Variants in GREB1L observed in about 807,000 individuals in gnomAD.
GREB1L encodes GREB1-like protein.
In GREB1L, 17 loss-of-function variants were observed where a neutral mutation model predicts 200.8. The ratio of observed to expected loss-of-function variants is 0.08; its 90% CI spans 0.06 to 0.13. The LOEUF (loss-of-function observed/expected upper bound fraction) is 0.13. Among genes scored for constraint, GREB1L ranks in the 10% least tolerant of loss-of-function variants. The pLI, the probability that GREB1L is intolerant of heterozygous loss-of-function variation, is 1.00. For synonymous variants in GREB1L, 789 were observed against 893.0 expected (o/e 0.88, Z 2.08); for missense variants, 1,657 against 2,367.7 (o/e 0.70, Z 6.23).
chr18:21,369,629 T>C lies in GREB1L; in HGVS notation c.-10+3493T>C, dbSNP rs2039798048. On this transcript the variant is annotated intron_variant, in intron 2 of 32. Coordinates refer to ENST00000424526, the MANE Select transcript of GREB1L (RefSeq NM_001142966.3). Reference sequence around the variant, plus strand: ...TATTTCTAAAAAAATTTAATATATATTGCATATCTGTAAGTATATTGCTAA... The same window carrying C: ...TATTTCTAAAAAAATTTAATATATACTGCATATCTGTAAGTATATTGCTAA... Among the ~76,000 whole-genome samples, 5 of 152,186 alleles carry C rather than the reference T, an allele frequency of 3.3e-5. No individual in the cohort carries two copies. In the South Asian group the frequency reaches 1.0e-3, roughly 31 times the overall value.
rs973738581 is a variant in GREB1L at position 21,522,833 on chromosome 18, G to A, written c.*12G>A. On this transcript the variant is annotated 3_prime_UTR_variant, in exon 33 of 33. Transcript: ENST00000424526. The stretch of plus-strand genomic sequence containing the variant: ...GACGTCATGTATGAGCTTTTGAAGA[G>A]ACCAAAACAGCAAAAAGATGCCTAG... 5 of 1,530,680 alleles carry A rather than the reference G, an allele frequency of 3.3e-6. No homozygotes were observed. The highest frequency in any genetic ancestry group is 4.4e-6 in the Non-Finnish European group (5 of 1,136,842). 94.8% of individuals were successfully genotyped at this position (1,530,680 alleles called of 1,614,324 possible).
At chr18:21,472,183 T>C (rs2035509301) in intron 15 of GREB1L, among the ~76,000 whole-genome samples, 1 of 152,200 alleles carries the variant, frequency 6.6e-6, no homozygotes. Context: ...TAGATGCTAA[T>C]TGCATGTAAT....
chr18:21,267,223 C>G (rs1567913973), intron 1 of GREB1L, among the ~76,000 whole-genome samples: 1 of 147,464 alleles, frequency 6.8e-6, no homozygotes, highest in Non-Finnish European at 1.5e-5. Flanking sequence ...GACGGAGCAC[C>G]CAGGCTGGAC....
chr18:21,490,130 C>T lies in GREB1L; in HGVS notation c.2809C>T (p.Leu937Phe), dbSNP rs1457461070. Residue 937 changes from leucine to phenylalanine, a missense_variant, in exon 19 of 33, where the codon CTC becomes TTC. Physicochemically the swap from Leu to Phe is conservative, Grantham distance 22. Around this residue, in one of 9 missense-constraint regions of GREB1L, gnomAD observed 82 missense variants for 95.9 expected, o/e 0.85. Transcript: ENST00000424526. ...CCGCGACCACAGCACACCAGAAACA[C>T]TCAGCATTATGGATGACCTCATCAG... ...SLRDHSTPET[L>F]SIMDDLISSP... 6.4e-7 allele frequency: 1 copy of T among 1,551,872 alleles called. No individual in the cohort carries two copies. The highest frequency in any genetic ancestry group is 8.7e-7 in the Non-Finnish European group (1 of 1,147,028).
chr18:21,351,670 A>G (rs1305478156), intron 1 of GREB1L, among the ~76,000 whole-genome samples: 1 of 152,096 alleles, frequency 6.6e-6, no homozygotes. Flanking sequence ...ATTCTGGGGT[A>G]TGATAGGTGA....
At chr18:21,369,227 A>G (rs531889806) in intron 2 of GREB1L, among the ~76,000 whole-genome samples, 1 of 152,136 alleles carries the variant, frequency 6.6e-6, no homozygotes, top group Non-Finnish European at 1.5e-5. Flanking sequence ...GAGACTCTGA[A>G]CTCTGAATGT....
chr18:21,488,051 T>A (rs1032503740), intron 18 of GREB1L, among the ~76,000 whole-genome samples: 4 of 150,760 alleles, frequency 2.7e-5, no homozygotes, highest in African/African-American at 9.8e-5. Context: ...ACACCTGTAA[T>A]CCCAGCACTT....
intron 4 of GREB1L, among the ~76,000 whole-genome samples, chr18:21,386,161 A>C (rs781598424): frequency 6.6e-6 from 1 of 152,220 alleles, no homozygotes; most frequent in African/African-American, 2.4e-5. Context: ...CTAGTCCTAC[A>C]CTTAGATTCC....
intron 7 of GREB1L, among the ~76,000 whole-genome samples, chr18:21,420,098 C>T (rs1409661392): frequency 1.3e-5 from 2 of 152,092 alleles, no homozygotes; most frequent in Non-Finnish European, 2.9e-5. Flanking sequence ...CACAGACGGG[C>T]GCGGTGGCTC....
chr18:21,253,536 C>T (rs991188306), intron 1 of GREB1L, among the ~76,000 whole-genome samples: 14 of 152,020 alleles, frequency 9.2e-5, no homozygotes, highest in African/African-American at 3.4e-4. Flanking sequence ...TAGGTGTGAG[C>T]CACCGTGCTC....
Position 21,522,829 on chromosome 18 carries a change from A to G in GREB1L, c.*8A>G. 1 of 1,545,300 alleles carries G rather than the reference A, an allele frequency of 6.5e-7. No individual in the cohort carries two copies. The highest frequency in any genetic ancestry group is 1.2e-5 in the South Asian group (1 of 82,798). On this transcript the variant is annotated 3_prime_UTR_variant, in exon 33 of 33. Transcript: ENST00000424526. ...ACTGGACGTCATGTATGAGCTTTTG[A>G]AGAGACCAAAACAGCAAAAAGATGC...
chr18:21,433,125 A>G (rs902824362), intron 7 of GREB1L, among the ~76,000 whole-genome samples: 1 of 152,200 alleles, frequency 6.6e-6, no homozygotes. Flanking sequence ...TTCCTCCTTC[A>G]ATATGTTAAG....
Position 21,408,094 on chromosome 18 carries a change from A to G in GREB1L, c.832+4100A>G, listed in dbSNP as rs564782074. Reference sequence around the variant, plus strand: ...TAGTTAACAATAATATATATTTTTAAATAGCTAGAAGAGAAGATTTGAATG... The same window carrying G: ...TAGTTAACAATAATATATATTTTTAGATAGCTAGAAGAGAAGATTTGAATG... On this transcript the variant is annotated intron_variant, in intron 7 of 32. Coordinates refer to ENST00000424526, the MANE Select transcript of GREB1L (RefSeq NM_001142966.3). 3.9e-5 allele frequency among the ~76,000 whole-genome samples: 6 copies of G among 152,344 alleles called. No homozygotes were observed. The East Asian group carries it at 1.2e-3, about 29-fold the overall frequency.
chr18:21,358,786 A>G (rs943784482), intron 1 of GREB1L, among the ~76,000 whole-genome samples: 3 of 152,224 alleles, frequency 2.0e-5, no homozygotes, highest in African/African-American at 4.8e-5. Context: ...AATCACCACT[A>G]AAGAACTTAT....
At chr18:21,248,996 A>G (rs1035929413) in intron 1 of GREB1L, among the ~76,000 whole-genome samples, 1 of 152,278 alleles carries the variant, frequency 6.6e-6, no homozygotes, top group African/African-American at 2.4e-5. Flanking sequence ...ACAAAGGCAT[A>G]TAGCAAAAAT....
intron 1 of GREB1L, among the ~76,000 whole-genome samples, chr18:21,342,379 T>A (rs2039282158): frequency 6.6e-6 from 1 of 151,870 alleles, no homozygotes; most frequent in Admixed American, 6.6e-5. Context: ...TAGATGGGAT[T>A]TTTTTTTTCT....
intron 1 of GREB1L, among the ~76,000 whole-genome samples, chr18:21,255,746 A>G (rs2037790148): frequency 6.6e-6 from 1 of 152,198 alleles, no homozygotes; most frequent in East Asian, 1.9e-4. Context: ...TACAATATTA[A>G]TATTCTCTAA....
intron 25 of GREB1L, among the ~76,000 whole-genome samples, chr18:21,507,735 T>C (rs1265165315): frequency 3.3e-5 from 5 of 152,206 alleles, no homozygotes; most frequent in Admixed American, 6.5e-5. Context: ...CTGACCCGCA[T>C]AGAGCAGAAG....
At chr18:21,283,129 T>G (rs1197078308) in intron 1 of GREB1L, among the ~76,000 whole-genome samples, 1 of 152,204 alleles carries the variant, frequency 6.6e-6, no homozygotes, top group Non-Finnish European at 1.5e-5. Context: ...ATGAATGACT[T>G]CAGAGCAAAA....
Sources: gnomAD v4.1 joint callset for allele counts (sites outside exome capture counted in the v4.1 genomes callset) on GRCh38, gnomAD v4.1.1 for gene constraint, gnomAD v4.1.1 regional missense constraint, MANE v1.5 for transcripts, NCBI Gene and HGNC (gene_info 2026-07-23, HGNC 2026-07-21) for gene names.